PSMD14: variants seen among roughly 807,000 people sequenced by gnomAD.
PSMD14 encodes proteasome 26S subunit, non-ATPase 14, also known as ubiquitin C-terminal hydrolase PSMD14.
PSMD14 carries 7 observed loss-of-function variants against 41.2 expected under a neutral mutation model. The ratio of observed to expected loss-of-function variants is 0.17; its 90% CI spans 0.10 to 0.32. PSMD14 has a LOEUF of 0.32. Among genes scored for constraint, PSMD14 ranks in the 10% least tolerant of loss-of-function variants. The pLI, the probability that PSMD14 is intolerant of heterozygous loss-of-function variation, is 1.00. For synonymous variants in PSMD14, 114 were observed against 122.3 expected, an observed-to-expected ratio of 0.93 and a Z score of 0.45; for missense variants, 139 against 375.6, an observed-to-expected ratio of 0.37 and a Z score of 5.21.
chr2:161,358,606 C>T (rs1218360471), intron 3 of PSMD14, among the ~76,000 whole-genome samples: 2 of 152,210 alleles, frequency 1.3e-5, no homozygotes, highest in Non-Finnish European at 2.9e-5. Flanking sequence ...TTTCCCCTCA[C>T]TGAAACCCTT....
At chr2:161,379,409 AAG>A (rs1683545306) in intron 7 of PSMD14, among the ~76,000 whole-genome samples, 1 of 152,012 alleles carries the variant, frequency 6.6e-6, no homozygotes, top group African/African-American at 2.4e-5. Context: ...TCATTTTTAA[AAG>A]AGAGATAATA....
chr2:161,362,494 A>G (rs535137082), intron 3 of PSMD14, among the ~76,000 whole-genome samples: 1 of 152,212 alleles, frequency 6.6e-6, no homozygotes, highest in South Asian at 2.1e-4. Context: ...TTATTTGAGG[A>G]GTGGGATGCT....
chr2:161,335,606 T>G (rs1213717569), intron 3 of PSMD14, among the ~76,000 whole-genome samples: 1 of 152,246 alleles, frequency 6.6e-6, no homozygotes, highest in African/African-American at 2.4e-5. Flanking sequence ...AAACCATGAT[T>G]TACTTAATTA....
intron 3 of PSMD14, among the ~76,000 whole-genome samples, chr2:161,324,570 A>G (rs546769616): frequency 3.9e-5 from 6 of 152,104 alleles, no homozygotes; most frequent in African/African-American, 1.2e-4. Context: ...GTTGAATGCC[A>G]TACTTGGTGA....
rs985519910 is a variant in PSMD14 at position 161,391,788 on chromosome 2, G to A, written c.645+610G>A. Among the ~76,000 whole-genome samples the A allele has an allele frequency of 1.2e-4, 19 of 152,064 alleles. No individual in the cohort carries two copies. The East Asian group carries it at 2.5e-3, about 20-fold the overall frequency. On this transcript the variant is annotated intron_variant, in intron 9 of 11. Transcript: ENST00000409682. ...TGGGTGGTGGGTGGGAGGTAGAAAC[G>A]GAGTCTTGCTTTGTTGCTCAGGTTG...
At chr2:161,316,782 T>C (rs1032671436) in intron 2 of PSMD14, among the ~76,000 whole-genome samples, 6 of 152,216 alleles carry the variant, frequency 3.9e-5, no homozygotes, top group African/African-American at 1.4e-4. Context: ...CTTAAAGTTT[T>C]AATTTGTTAA....
chr2:161,383,965 A>G (rs1227069712), intron 7 of PSMD14: 1 of 151,530 alleles, frequency 6.6e-6, no homozygotes, highest in African/African-American at 2.4e-5. Context: ...ACTTGTTTTT[A>G]TTGCTTTTTT....
chr2:161,381,117 T>C (rs1385553973), intron 7 of PSMD14, among the ~76,000 whole-genome samples: 7 of 151,642 alleles, frequency 4.6e-5, no homozygotes, highest in Non-Finnish European at 1.5e-5. Context: ...TTTTTTCTTT[T>C]TAGTGTTTGA....
intron 3 of PSMD14, among the ~76,000 whole-genome samples, chr2:161,344,961 C>T (rs746352372): frequency 1.3e-5 from 2 of 152,152 alleles, no homozygotes; most frequent in African/African-American, 4.8e-5. Context: ...AAATGCTTGT[C>T]TAACCCAAGT....
intron 10 of PSMD14, 56 bp from the exon 11 acceptor site, chr2:161,408,781 C>A: frequency 7.6e-7 from 1 of 1,323,892 alleles, no homozygotes; most frequent in Non-Finnish European, 1.1e-6. Flanking sequence ...GATTATCCTG[C>A]AGTGGGAATA....
At chr2:161,322,918 T>G (rs1682630054) in intron 3 of PSMD14, among the ~76,000 whole-genome samples, 1 of 152,186 alleles carries the variant, frequency 6.6e-6, no homozygotes, top group African/African-American at 2.4e-5. Context: ...TTTTCTCTTT[T>G]CCAAGGCTAT....
chr2:161,388,232 G>A (rs992678358), intron 8 of PSMD14, among the ~76,000 whole-genome samples: 6 of 152,116 alleles, frequency 3.9e-5, no homozygotes, highest in African/African-American at 1.4e-4. Context: ...CAGTTGCATT[G>A]TTTAATAGAG....
chr2:161,410,842 T>C (rs563460267), intron 11 of PSMD14, among the ~76,000 whole-genome samples: 1 of 152,234 alleles, frequency 6.6e-6, no homozygotes, highest in East Asian at 1.9e-4. Flanking sequence ...TTTGCTATTA[T>C]AAAACATAGA....
rs112262619 is a variant in PSMD14 at position 161,347,064 on chromosome 2, C to T, written c.49-20414C>T. Reference sequence around the variant, plus strand: ...CATCTCAACTCAGAGAGTCTACTGTCCTCTGCCTGGGTTTCTTCCCCTCTG... The same window carrying T: ...CATCTCAACTCAGAGAGTCTACTGTTCTCTGCCTGGGTTTCTTCCCCTCTG... On this transcript the variant is annotated intron_variant, in intron 3 of 11. Transcript: ENST00000409682. 3.0e-3 allele frequency among the ~76,000 whole-genome samples: 450 copies of T among 152,218 alleles called. 1 individual carries two copies. The highest frequency in any genetic ancestry group is 4.9e-3 in the Non-Finnish European group (331 of 68,004).
Position 161,345,916 on chromosome 2 carries a change from G to A in PSMD14, c.49-21562G>A, listed in dbSNP as rs1420710496. ...TTTATTTTTATTTTTTCTGAGACAGGGCCTCACTTCTGTCACCCAGGCTGG... is the reference window on the plus strand; with the variant it reads ...TTTATTTTTATTTTTTCTGAGACAGAGCCTCACTTCTGTCACCCAGGCTGG... On this transcript the variant is annotated intron_variant, in intron 3 of 11. Coordinates refer to ENST00000409682, the MANE Select transcript of PSMD14 (RefSeq NM_005805.6). Among the ~76,000 whole-genome samples, 3 of 151,600 alleles carry A rather than the reference G, an allele frequency of 2.0e-5. No individual in the cohort carries two copies. In the South Asian group the frequency reaches 6.2e-4, roughly 32 times the overall value.
intron 3 of PSMD14, among the ~76,000 whole-genome samples, chr2:161,348,132 T>C (rs1683070054): frequency 6.6e-6 from 1 of 152,246 alleles, no homozygotes. Context: ...CTGTTAACAA[T>C]GAAGATTTGA....
At chr2:161,345,061 G>A (rs1315965298) in intron 3 of PSMD14, among the ~76,000 whole-genome samples, 1 of 152,018 alleles carries the variant, frequency 6.6e-6, no homozygotes, top group Non-Finnish European at 1.5e-5. Flanking sequence ...ATATTTTGAG[G>A]TGGGAGTCCA....
intron 3 of PSMD14, among the ~76,000 whole-genome samples, chr2:161,329,851 C>T (rs1484984973): frequency 6.6e-6 from 1 of 152,006 alleles, no homozygotes; most frequent in Non-Finnish European, 1.5e-5. Flanking sequence ...TCTTTCTAGT[C>T]GTCATTGTAG....
At chr2:161,394,988 GT>G (rs112832377) in intron 9 of PSMD14, 89 bp from the exon 10 acceptor site, 39,909 of 815,394 alleles carry the variant, frequency 0.049, 42 homozygotes, top group African/African-American at 0.059. Flanking sequence ...AAGTCGAAAT[GT>G]TTTTTTTTTT....
Sources: allele counts gnomAD v4.1 joint callset (sites outside exome capture counted in the v4.1 genomes callset), GRCh38; gene constraint gnomAD v4.1.1; transcripts MANE v1.5; gene names NCBI Gene and HGNC (gene_info 2026-07-23, HGNC 2026-07-21).